Variants in CEMIP observed in about 807,000 individuals in gnomAD.
CEMIP encodes the protein cell migration inducing hyaluronidase 1.
Under a neutral mutation model 156.9 loss-of-function variants are expected in CEMIP, and 105 were observed. The ratio of observed to expected loss-of-function variants is 0.67; its 90% CI spans 0.57 to 0.79. The LOEUF is 0.79. Among genes scored for constraint, CEMIP ranks in the 30% least tolerant of loss-of-function variants. The probability of loss-of-function intolerance (pLI) is 0.00; values close to 1 mark genes in which losing one functional copy is unlikely to be tolerated. For missense variants in CEMIP, 1,457 were observed against 1,769.4 expected (o/e 0.82, Z 3.17); for synonymous variants, 676 against 668.4 (o/e 1.01, Z -0.17).
At chr15:80,896,774 A>G (rs1289387164) in intron 12 of CEMIP, among the ~76,000 whole-genome samples, 1 of 152,228 alleles carries the variant, frequency 6.6e-6, no homozygotes, top group Non-Finnish European at 1.5e-5. Context: ...CAACTTGACT[A>G]TCTTAAGCAA....
chr15:80,831,100 C>T (rs924383824), intron 1 of CEMIP, among the ~76,000 whole-genome samples: 6 of 152,178 alleles, frequency 3.9e-5, no homozygotes, highest in Non-Finnish European at 7.3e-5. Context: ...TTCCAACCTA[C>T]CTTCCAACCT....
intron 14 of CEMIP, among the ~76,000 whole-genome samples, chr15:80,912,587 G>A (rs1181635624): frequency 6.6e-6 from 1 of 152,206 alleles, no homozygotes; most frequent in Non-Finnish European, 1.5e-5. Flanking sequence ...TCTAGATGAA[G>A]TGCAGGCCTC....
At chr15:80,779,930 C>T (rs1895746690) in intron 1 of CEMIP, among the ~76,000 whole-genome samples, 1 of 152,022 alleles carries the variant, frequency 6.6e-6, no homozygotes, top group African/African-American at 2.4e-5. Context: ...CTCCTGCTTT[C>T]CGTAGATTTT....
At chr15:80,819,903 T>C (rs1214698565) in intron 1 of CEMIP, among the ~76,000 whole-genome samples, 3 of 152,192 alleles carry the variant, frequency 2.0e-5, no homozygotes, top group Non-Finnish European at 4.4e-5. Context: ...TTGGTCACAA[T>C]AGGACAGAGT....
chr15:80,856,183 T>C (rs1897849009), intron 1 of CEMIP, among the ~76,000 whole-genome samples: 1 of 152,242 alleles, frequency 6.6e-6, no homozygotes, highest in Admixed American at 6.5e-5. Flanking sequence ...TGGACATTCC[T>C]GGGGATCTGG....
At chr15:80,896,154 G>A in intron 12 of CEMIP, 94 bp downstream of exon 12, 1 of 1,265,292 alleles carries the variant, frequency 7.9e-7, no homozygotes, top group East Asian at 2.3e-5. Context: ...GTATCAGTCA[G>A]CTATGGCTGT....
chr15:80,900,624 G>GTC (rs1899459622), intron 12 of CEMIP, among the ~76,000 whole-genome samples: 1 of 145,126 alleles, frequency 6.9e-6, no homozygotes. Context: ...GTGTGTGTGT[G>GTC]TGTGTGTGTG....
chr15:80,808,659 G>GA (rs1305634910), intron 1 of CEMIP, among the ~76,000 whole-genome samples: 1 of 151,588 alleles, frequency 6.6e-6, no homozygotes, highest in East Asian at 1.9e-4. Flanking sequence ...AAAAACAACA[G>GA]AAAAAATTGC....
chr15:80,883,195 G>C (rs1898722101), intron 6 of CEMIP, among the ~76,000 whole-genome samples: 1 of 152,140 alleles, frequency 6.6e-6, no homozygotes, highest in Non-Finnish European at 1.5e-5. Context: ...AATTTCTACT[G>C]TAATTGCATA....
chr15:80,787,670 G>A (rs1895973756), intron 1 of CEMIP, among the ~76,000 whole-genome samples: 1 of 152,152 alleles, frequency 6.6e-6, no homozygotes, highest in African/African-American at 2.4e-5. Flanking sequence ...TTGGATCCTT[G>A]GTTGCGCTGA....
chr15:80,896,254 T>C (rs982988371), intron 12 of CEMIP, 194 bp downstream of exon 12: 5 of 707,190 alleles, frequency 7.1e-6, no homozygotes, highest in African/African-American at 7.0e-5. Flanking sequence ...AGGGATCAGC[T>C]TCTCTAGACT....
At chr15:80,865,171 A>ATTTTTTAT (rs1171786220) in intron 1 of CEMIP, among the ~76,000 whole-genome samples, 1 of 152,036 alleles carries the variant, frequency 6.6e-6, no homozygotes, top group Non-Finnish European at 1.5e-5. Context: ...GAGGAACTAA[A>ATTTTTTAT]TTTTTTATTT....
chr15:80,868,823 C>T (rs1008541931), intron 1 of CEMIP, among the ~76,000 whole-genome samples: 3 of 152,152 alleles, frequency 2.0e-5, no homozygotes, highest in African/African-American at 7.2e-5. Flanking sequence ...AGCAGTGCCT[C>T]GCACCTAACA....
chr15:80,865,910 G>A (rs930137492), intron 1 of CEMIP, among the ~76,000 whole-genome samples: 5 of 152,194 alleles, frequency 3.3e-5, no homozygotes, highest in South Asian at 2.1e-4. Context: ...TTGCACAGGG[G>A]TATGGGACTG....
intron 1 of CEMIP, among the ~76,000 whole-genome samples, chr15:80,785,897 C>A (rs1272893129): frequency 1.3e-5 from 2 of 152,208 alleles, no homozygotes; most frequent in Admixed American, 6.5e-5. Context: ...AGGCTTTGGG[C>A]TACACTGGGC....
intron 16 of CEMIP, among the ~76,000 whole-genome samples, chr15:80,921,340 A>T (rs1900464889): frequency 6.6e-6 from 1 of 152,232 alleles, no homozygotes. Flanking sequence ...GACCATAGTT[A>T]GTGAACACTG....
intron 12 of CEMIP, among the ~76,000 whole-genome samples, chr15:80,905,144 T>A (rs1265266439): frequency 6.6e-6 from 1 of 152,134 alleles, no homozygotes; most frequent in Non-Finnish European, 1.5e-5. Flanking sequence ...CAGGGCTAAT[T>A]ATAACCATGG....
At chr15:80,887,646 C>T (rs1246687284) in intron 7 of CEMIP, 48 bp from the exon 8 acceptor site, 4 of 1,450,596 alleles carry the variant, frequency 2.8e-6, no homozygotes, top group Non-Finnish European at 3.8e-6. Context: ...TGTGCAGGTA[C>T]AGACTCGTGC....
intron 13 of CEMIP, among the ~76,000 whole-genome samples, chr15:80,908,211 C>T (rs1250446018): frequency 6.6e-6 from 1 of 152,190 alleles, no homozygotes; most frequent in Non-Finnish European, 1.5e-5. Flanking sequence ...GTCTATGTCA[C>T]ACAAGCTGCT....
Sources: gnomAD v4.1 joint callset for allele counts (sites outside exome capture counted in the v4.1 genomes callset) on GRCh38, gnomAD v4.1.1 for gene constraint, MANE v1.5 for transcripts, NCBI Gene and HGNC (gene_info 2026-07-23, HGNC 2026-07-21) for gene names.